SNTG1: variants seen among roughly 807,000 people sequenced by gnomAD.
SNTG1 encodes syntrophin gamma 1.
SNTG1 carries 39 observed loss-of-function variants against 74.7 expected under a neutral mutation model. The ratio of observed to expected loss-of-function variants is 0.52; its 90% CI spans 0.40 to 0.68. SNTG1 has a LOEUF of 0.68. SNTG1 is among the 30% of genes least tolerant of loss of function. The pLI, the probability that SNTG1 is intolerant of heterozygous loss-of-function variation, is 0.00. For synonymous variants in SNTG1, 254 were observed against 217.1 expected (o/e 1.17, Z -1.49); for missense variants, 685 against 609.5 (o/e 1.12, Z -1.30).
chr8:50,459,743 C>T (rs778212258), intron 8 of SNTG1, among the ~76,000 whole-genome samples: 24 of 152,124 alleles, frequency 1.6e-4, no homozygotes, highest in Admixed American at 3.3e-4. Context: ...GTTTAGCTCC[C>T]ACTTACAAAA....
chr8:50,655,202 G>A (rs1370540882), intron 13 of SNTG1, among the ~76,000 whole-genome samples: 3 of 152,080 alleles, frequency 2.0e-5, no homozygotes, highest in Admixed American at 6.6e-5. Context: ...GCAACTACTG[G>A]AAGTGTAAGC....
At chr8:50,341,427 AT>A (rs1587219236) in intron 2 of SNTG1, among the ~76,000 whole-genome samples, 1 of 151,982 alleles carries the variant, frequency 6.6e-6, no homozygotes. Context: ...ATTTCTATGT[AT>A]AATAGTGAGC....
chr8:50,736,132 G>A (rs2095528075), intron 17 of SNTG1, among the ~76,000 whole-genome samples: 1 of 151,858 alleles, frequency 6.6e-6, no homozygotes, highest in Non-Finnish European at 1.5e-5. Context: ...TACTAAATAT[G>A]GAAAGGAAAA....
intron 1 of SNTG1, among the ~76,000 whole-genome samples, chr8:50,141,679 T>C (rs2081662746): frequency 6.6e-6 from 1 of 152,062 alleles, no homozygotes; most frequent in Non-Finnish European, 1.5e-5. Flanking sequence ...AAATCCACCT[T>C]AGAGAATTCT....
intron 2 of SNTG1, among the ~76,000 whole-genome samples, chr8:50,343,001 G>A (rs16914727): frequency 0.013 from 1,997 of 152,130 alleles, 39 homozygotes; most frequent in African/African-American, 0.043. Context: ...GAAACCACCT[G>A]GGATTTTACT....
chr8:50,167,613 A>G (rs1421397570), intron 1 of SNTG1, among the ~76,000 whole-genome samples: 1 of 151,252 alleles, frequency 6.6e-6, no homozygotes, highest in East Asian at 1.9e-4. Context: ...CCTGAGCAAC[A>G]GAACAAAACC....
At chr8:50,377,383 T>C (rs1470844788) in intron 2 of SNTG1, among the ~76,000 whole-genome samples, 1 of 152,154 alleles carries the variant, frequency 6.6e-6, no homozygotes, top group Non-Finnish European at 1.5e-5. Flanking sequence ...ATTTTTTAGA[T>C]TTGAAGGAGG....
chr8:50,710,070 G>A (rs551855261), intron 17 of SNTG1, among the ~76,000 whole-genome samples: 93 of 152,252 alleles, frequency 6.1e-4, no homozygotes, highest in African/African-American at 1.6e-3. Flanking sequence ...GTAGGATGCC[G>A]CCCTGTGTTC....
At chr8:50,407,134 G>A (rs2092887147) in intron 4 of SNTG1, among the ~76,000 whole-genome samples, 3 of 152,154 alleles carry the variant, frequency 2.0e-5, no homozygotes, top group South Asian at 2.1e-4. Flanking sequence ...GCTGGACAGG[G>A]ATCACCTCTC....
intron 12 of SNTG1, 85 bp from the exon 13 acceptor site, chr8:50,590,794 C>G: frequency 1.2e-6 from 1 of 831,756 alleles, no homozygotes; most frequent in Non-Finnish European, 1.9e-6. Context: ...TATTAGCTCA[C>G]TAAAAATAAT....
intron 1 of SNTG1, among the ~76,000 whole-genome samples, chr8:50,138,566 A>C (rs1349497053): frequency 2.0e-5 from 3 of 151,458 alleles, no homozygotes; most frequent in African/African-American, 7.3e-5. Flanking sequence ...TGGAGGTTGC[A>C]CTGAGCTGAG....
chr8:50,252,394 T>C lies in SNTG1; in HGVS notation c.-28+79759T>C, dbSNP rs1054877841. On this transcript the variant is annotated intron_variant, in intron 2 of 18. Transcript: ENST00000642720. ...ATAAACAAAATAGAGACTAAAATAA[T>C]TCATAAGATCAACTAAACAAAGAGT... Among the ~76,000 whole-genome samples, 9 of 152,044 alleles carry C rather than the reference T, an allele frequency of 5.9e-5. No individual in the cohort carries two copies. In the East Asian group the frequency reaches 1.5e-3, roughly 26 times the overall value.
Position 50,033,119 on chromosome 8 carries a change from GT to G in SNTG1, c.-103+120901del, listed in dbSNP as rs369907743. On this transcript the variant is annotated intron_variant, in intron 1 of 18. Transcript: ENST00000642720. ...GCTAAGGAACTATGCAATAAAAAGT[GT>G]TTTTTTTTTTTTGAGACGGAGTTTC... is the stretch of plus-strand genomic sequence containing the variant. 4.3e-3 allele frequency among the ~76,000 whole-genome samples: 614 copies of G among 141,458 alleles called. 3 individuals carry two copies. Among genetic ancestry groups the G allele is most frequent in the African/African-American group, 0.013 (511 of 38,864 alleles). 92.8% of individuals were successfully genotyped at this position (141,458 alleles called of 152,430 possible). A position where few individuals can be genotyped will look rare whatever the true frequency, so the allele number is the denominator to read the frequency against.
At chr8:50,070,943 C>T (rs974193671) in intron 1 of SNTG1, among the ~76,000 whole-genome samples, 5 of 152,110 alleles carry the variant, frequency 3.3e-5, no homozygotes, top group African/African-American at 1.2e-4. Context: ...TCGGACTTGC[C>T]ACAGTCATTT....
chr8:50,008,551 T>A (rs1815470131), intron 1 of SNTG1, among the ~76,000 whole-genome samples: 1 of 152,098 alleles, frequency 6.6e-6, no homozygotes, highest in Non-Finnish European at 1.5e-5. Context: ...GATGGATGGA[T>A]CAATGGACAA....
chr8:50,644,197 G>A (rs1323967783), intron 13 of SNTG1: 1 of 152,212 alleles, frequency 6.6e-6, no homozygotes, highest in East Asian at 1.9e-4. Context: ...TTTGTTAGGT[G>A]CTGTGGACCT....
chr8:50,661,962 A>C (rs1242938503), intron 15 of SNTG1, among the ~76,000 whole-genome samples: 1 of 152,152 alleles, frequency 6.6e-6, no homozygotes, highest in Admixed American at 6.5e-5. Flanking sequence ...ATGTAGCATG[A>C]GAACAGAGGA....
At chr8:49,964,295 T>C (rs375326114) in intron 1 of SNTG1, among the ~76,000 whole-genome samples, 1 of 152,350 alleles carries the variant, frequency 6.6e-6, no homozygotes, top group South Asian at 2.1e-4. Context: ...ACATACTGCC[T>C]TCAGGCTTGA....
intron 1 of SNTG1, among the ~76,000 whole-genome samples, chr8:50,080,590 G>C (rs1020809599): frequency 6.6e-6 from 1 of 151,946 alleles, no homozygotes; most frequent in Non-Finnish European, 1.5e-5. Context: ...TTTAATTTCT[G>C]TTTATTTTTG....
Sources: allele counts gnomAD v4.1 joint callset (sites outside exome capture counted in the v4.1 genomes callset), GRCh38; gene constraint gnomAD v4.1.1; transcripts MANE v1.5; gene names NCBI Gene and HGNC (gene_info 2026-07-23, HGNC 2026-07-21).